The following UNC5D variants were observed in gnomAD, a reference collection of about 807,000 sequenced individuals.
UNC5D encodes the protein unc-5 netrin receptor D, also known as netrin receptor UNC5D.
Under a neutral mutation model 105.4 loss-of-function variants are expected in UNC5D, and 39 were observed. That is an observed-to-expected ratio of 0.37 (90% CI 0.29 to 0.48). The LOEUF is 0.48. UNC5D is among the 20% of genes least tolerant of loss of function. UNC5D has a pLI of 0.98. For synonymous variants in UNC5D, 452 were observed against 450.4 expected (o/e 1.00, Z -0.04); for missense variants, 991 against 1,202.4 (o/e 0.82, Z 2.60).
chr8:35,545,017 CTG>C (rs1263098352), intron 1 of UNC5D, among the ~76,000 whole-genome samples: 1 of 152,180 alleles, frequency 6.6e-6, no homozygotes, highest in Non-Finnish European at 1.5e-5. Flanking sequence ...TCATCAGAGT[CTG>C]TGATTTTTCC....
chr8:35,321,186 TACAC>T (rs1416194612), intron 1 of UNC5D, among the ~76,000 whole-genome samples: 1 of 152,174 alleles, frequency 6.6e-6, no homozygotes, highest in African/African-American at 2.4e-5. Flanking sequence ...CAGTAGGTTT[TACAC>T]ACACACATTT....
intron 1 of UNC5D, chr8:35,254,395 T>C (rs903293839): frequency 2.0e-5 from 3 of 152,192 alleles, no homozygotes; most frequent in African/African-American, 7.2e-5. Context: ...TTCTTGAGCT[T>C]ATTCCAGAGT....
chr8:35,665,227 A>G (rs574038039), intron 4 of UNC5D, among the ~76,000 whole-genome samples: 1 of 152,168 alleles, frequency 6.6e-6, no homozygotes, highest in East Asian at 1.9e-4. Flanking sequence ...TCAAGCTTTC[A>G]TCCTTTATGC....
intron 4 of UNC5D, among the ~76,000 whole-genome samples, chr8:35,662,876 T>C (rs1410155773): frequency 1.3e-5 from 2 of 152,142 alleles, no homozygotes; most frequent in African/African-American, 2.4e-5. Flanking sequence ...CCACCTGAGC[T>C]CTGCCTCCTG....
chr8:35,534,207 A>C lies in UNC5D; in HGVS notation c.104-15085A>C, dbSNP rs372167574. 1.2e-4 allele frequency among the ~76,000 whole-genome samples: 18 copies of C among 152,280 alleles called. 1 individual carries two copies. In the South Asian group the frequency reaches 3.7e-3, roughly 32 times the overall value. On this transcript the variant is annotated intron_variant, in intron 1 of 16. Coordinates refer to ENST00000404895, the MANE Select transcript of UNC5D (RefSeq NM_080872.4). ...ATAATATTATAGGGAGGAAATGGTA[A>C]TGTAGCATATATCTAGAGTTTTTTT... is the stretch of plus-strand genomic sequence containing the variant.
At chr8:35,549,152 C>T in intron 1 of UNC5D, 140 bp from the exon 2 acceptor site, 1 of 778,128 alleles carries the variant, frequency 1.3e-6, no homozygotes, top group Non-Finnish European at 2.0e-6. Context: ...TCATCTACAC[C>T]AGTTCTACAA....
intron 4 of UNC5D, among the ~76,000 whole-genome samples, chr8:35,636,271 T>A (rs1019897173): frequency 2.6e-5 from 4 of 152,316 alleles, no homozygotes; most frequent in Non-Finnish European, 4.4e-5. Flanking sequence ...TAACTAAGCA[T>A]CTGTCATAAA....
Position 35,248,142 on chromosome 8 carries a change from A to G in UNC5D, c.103+12255A>G, listed in dbSNP as rs1342754490. On this transcript the variant is annotated intron_variant, in intron 1 of 16. Coordinates refer to ENST00000404895, the MANE Select transcript of UNC5D (RefSeq NM_080872.4). ...TAATATATAAATATATATTATATAAAATATATATAATATATAAATATATAT... is the reference window on the plus strand; with the variant it reads ...TAATATATAAATATATATTATATAAGATATATATAATATATAAATATATAT... 7.3e-5 allele frequency among the ~76,000 whole-genome samples: 3 copies of G among 41,318 alleles called. 1 individual carries two copies. Among genetic ancestry groups the G allele is most frequent in the South Asian group, 2.0e-3 (2 of 994 alleles). The allele number at this position is 41,318 out of a possible 152,430, so 27.1% of individuals were successfully genotyped here. A position where few individuals can be genotyped will look rare whatever the true frequency, so the allele number is the denominator to read the frequency against.
intron 1 of UNC5D, among the ~76,000 whole-genome samples, chr8:35,361,375 C>G (rs917728606): frequency 1.3e-5 from 2 of 152,040 alleles, no homozygotes; most frequent in Non-Finnish European, 2.9e-5. Flanking sequence ...TTAAAGTGAA[C>G]AGTAAATAAA....
At position 35,758,668 on chromosome 8, in the gene UNC5D, G is replaced by A. The variant is rs764442787; in HGVS notation, c.2164-652G>A. 1.6e-4 allele frequency among the ~76,000 whole-genome samples: 25 copies of A among 152,238 alleles called. 1 individual carries two copies. The highest frequency in any genetic ancestry group is 4.6e-4 in the Admixed American group (7 of 15,288). ...TTGAGTTTGTATTAGATTGTATTAC[G>A]TAAAGATTTTTCAGTGAAAGCTACA... On this transcript the variant is annotated intron_variant, in intron 13 of 16. Transcript: ENST00000404895.
intron 1 of UNC5D, among the ~76,000 whole-genome samples, chr8:35,301,329 G>A (rs1807941930): frequency 6.6e-6 from 1 of 152,168 alleles, no homozygotes; most frequent in Non-Finnish European, 1.5e-5. Context: ...ATAACCTATA[G>A]GGTAAATTAA....
intron 1 of UNC5D, among the ~76,000 whole-genome samples, chr8:35,447,094 G>A (rs937370925): frequency 5.3e-5 from 8 of 152,058 alleles, no homozygotes; most frequent in South Asian, 2.1e-4. Context: ...ATGGTTTTAC[G>A]TGTTCTCCCT....
chr8:35,558,986 G>A (rs7015609), intron 2 of UNC5D, among the ~76,000 whole-genome samples: 2,916 of 151,100 alleles, frequency 0.019, 104 homozygotes, highest in African/African-American at 0.067. Context: ...TGTCTCCAGG[G>A]GAAAAAAAAA....
Position 35,504,245 on chromosome 8 carries a change from C to T in UNC5D, c.104-45047C>T, listed in dbSNP as rs1479589179. On this transcript the variant is annotated intron_variant, in intron 1 of 16. Transcript: ENST00000404895. ...AAATCCTGGATCAGCCCTGACCTGC[C>T]GTGTGACCTTAGGCAAGCTGTTTGG... Among the ~76,000 whole-genome samples the T allele has an allele frequency of 2.0e-5, 3 of 152,248 alleles. 1 individual carries two copies. Among genetic ancestry groups the T allele is most frequent in the African/African-American group, 7.2e-5 (3 of 41,532 alleles).
chr8:35,565,263 T>A (rs1817256858), intron 2 of UNC5D, among the ~76,000 whole-genome samples: 1 of 152,204 alleles, frequency 6.6e-6, no homozygotes, highest in African/African-American at 2.4e-5. Flanking sequence ...ATTTTTTGAC[T>A]TTTTAATAAT....
At chr8:35,554,618 C>A (rs1816401892) in intron 2 of UNC5D, among the ~76,000 whole-genome samples, 1 of 152,282 alleles carries the variant, frequency 6.6e-6, no homozygotes, top group Admixed American at 6.5e-5. Flanking sequence ...AGTAAACAAC[C>A]ACAAACCAAA....
At chr8:35,237,003 G>T (rs931863608) in intron 1 of UNC5D, among the ~76,000 whole-genome samples, 1 of 151,974 alleles carries the variant, frequency 6.6e-6, no homozygotes, top group Non-Finnish European at 1.5e-5. Flanking sequence ...AGAGTGAAAG[G>T]GTGGAAAGGG....
intron 7 of UNC5D, among the ~76,000 whole-genome samples, chr8:35,701,503 C>T (rs1228480136): frequency 6.6e-6 from 1 of 151,804 alleles, no homozygotes; most frequent in Non-Finnish European, 1.5e-5. Context: ...CTGCTAAGAA[C>T]AATGGATACT....
At chr8:35,278,331 C>T (rs566264556) in intron 1 of UNC5D, among the ~76,000 whole-genome samples, 78 of 152,166 alleles carry the variant, frequency 5.1e-4, no homozygotes, top group Non-Finnish European at 8.5e-4. Flanking sequence ...CCCAGGTGCA[C>T]GCTTTCTTCA....
Sources: gnomAD v4.1 joint callset for allele counts (sites outside exome capture counted in the v4.1 genomes callset) on GRCh38, gnomAD v4.1.1 for gene constraint, MANE v1.5 for transcripts, NCBI Gene and HGNC (gene_info 2026-07-23, HGNC 2026-07-21) for gene names.